ACSBG1: variants seen among roughly 807,000 people sequenced by gnomAD.
The protein encoded by ACSBG1 is long-chain-fatty-acid--CoA ligase ACSBG1.
A neutral mutation model predicts 80.2 loss-of-function variants in ACSBG1; 39 were observed. The ratio of observed to expected loss-of-function variants is 0.49; its 90% CI spans 0.38 to 0.64. The LOEUF (loss-of-function observed/expected upper bound fraction) is 0.64. ACSBG1 is among the 30% of genes least tolerant of loss of function. The pLI is 0.00. For missense variants in ACSBG1, 828 were observed against 966.4 expected, an observed-to-expected ratio of 0.86 and a Z score of 1.90; for synonymous variants, 392 against 379.5, an observed-to-expected ratio of 1.03 and a Z score of -0.38.
chr15:78,212,083 C>T (rs16969577), intron 1 of ACSBG1, among the ~76,000 whole-genome samples: 3,789 of 152,286 alleles, frequency 0.025, 107 homozygotes, highest in South Asian at 0.072. Context: ...ATCCGTTTCC[C>T]ATTTATTTCT....
chr15:78,200,680 C>T (rs986123388), intron 2 of ACSBG1, among the ~76,000 whole-genome samples: 1 of 152,208 alleles, frequency 6.6e-6, no homozygotes, highest in Non-Finnish European at 1.5e-5. Context: ...CATCTCCCAT[C>T]TCCTCTGGGA....
intron 2 of ACSBG1, among the ~76,000 whole-genome samples, chr15:78,195,125 T>G (rs1262862954): frequency 2.6e-5 from 4 of 152,146 alleles, no homozygotes; most frequent in East Asian, 1.9e-4. Flanking sequence ...TGGGGACAGA[T>G]CCAGCTAGAC....
rs2141305450 is a variant in ACSBG1, at chr15:78,167,740, T to G, written c.*3704A>C. On this transcript the variant is annotated 3_prime_UTR_variant, in exon 14 of 14. Transcript: ENST00000258873. ...GAATTTGACTACTCTAGGTACCTCA[T>G]GTAAGTGGAATCATACAGTATTTGT... The G allele has an allele frequency of 6.6e-6, 1 of 152,328 alleles. No homozygotes were observed. The highest frequency in any genetic ancestry group is 3.4e-3 in the Middle Eastern group (1 of 294). 9.4% of individuals were successfully genotyped at this position (152,328 alleles called of 1,614,324 possible).
intron 3 of ACSBG1, 57 bp from the exon 4 acceptor site, chr15:78,194,077 C>A: frequency 6.4e-7 from 1 of 1,554,604 alleles, no homozygotes; most frequent in Non-Finnish European, 8.9e-7. Context: ...GACCCTCATG[C>A]CCCTCTCAGA....
chr15:78,217,402 G>A (rs1267752239), intron 1 of ACSBG1, among the ~76,000 whole-genome samples: 1 of 152,172 alleles, frequency 6.6e-6, no homozygotes, highest in Non-Finnish European at 1.5e-5. Flanking sequence ...GGGTTCCAGA[G>A]TTTATGCTCC....
intron 5 of ACSBG1, among the ~76,000 whole-genome samples, chr15:78,184,597 GAATA>G (rs1206786856): frequency 1.3e-5 from 2 of 152,106 alleles, no homozygotes; most frequent in Middle Eastern, 3.2e-3. Flanking sequence ...AGAAATACAA[GAATA>G]AATAAAGTAA....
chr15:78,194,212 C>T (rs2075088647), intron 3 of ACSBG1, among the ~76,000 whole-genome samples, 192 bp from the exon 4 acceptor site: 3 of 152,238 alleles, frequency 2.0e-5, no homozygotes, highest in Non-Finnish European at 4.4e-5. Flanking sequence ...CCAGGGCCTT[C>T]CCAGCGAGTC....
At chr15:78,173,878 C>A (rs1258756448) in intron 12 of ACSBG1, 39 bp from the exon 13 acceptor site, 8 of 1,598,214 alleles carry the variant, frequency 5.0e-6, no homozygotes, top group Non-Finnish European at 6.8e-6. Context: ...AAGCCTTACC[C>A]AACAAGACGT....
intron 1 of ACSBG1, among the ~76,000 whole-genome samples, chr15:78,229,830 C>T (rs996130863): frequency 1.3e-5 from 2 of 152,196 alleles, no homozygotes; most frequent in African/African-American, 4.8e-5. Context: ...GGGTTCCTGT[C>T]TGCCTCCTTC....
intron 4 of ACSBG1, 118 bp downstream of exon 4, chr15:78,193,814 G>A (rs2075082016): frequency 3.5e-6 from 5 of 1,444,634 alleles, no homozygotes; most frequent in South Asian, 2.5e-5. Flanking sequence ...GAAGGCCCCA[G>A]GGAGGAGGCA....
chr15:78,204,044 G>A (rs1230017342), intron 2 of ACSBG1, among the ~76,000 whole-genome samples: 3 of 152,162 alleles, frequency 2.0e-5, no homozygotes, highest in Admixed American at 6.5e-5. Flanking sequence ...TAGCACAGAA[G>A]GGTCTGTCAG....
In ACSBG1 at chr15:78,173,963, G is replaced by A. The variant is rs28625960; in HGVS notation, c.1843-124C>T. 3,723 of 1,212,178 alleles carry A rather than the reference G, an allele frequency of 3.1e-3. 77 individuals are homozygous for A. The African/African-American group carries it at 0.049, about 16-fold the overall frequency. 75.1% of individuals were successfully genotyped at this position (1,212,178 alleles called of 1,614,324 possible). A position where few individuals can be genotyped will look rare whatever the true frequency, so the allele number is the denominator to read the frequency against. The stretch of plus-strand genomic sequence containing the variant: ...CATGTGAGCTCTGTTTCAAAGAGAC[G>A]GTTCTAGAATGAGTAGCTGCTACTG... On this transcript the variant is annotated intron_variant, in intron 12 of 13. Coordinates refer to ENST00000258873, the MANE Select transcript of ACSBG1 (RefSeq NM_015162.5).
intron 5 of ACSBG1, among the ~76,000 whole-genome samples, chr15:78,185,617 G>C (rs569538511): frequency 6.6e-6 from 1 of 152,122 alleles, no homozygotes; most frequent in African/African-American, 2.4e-5. Context: ...AATATAAATT[G>C]GTGGATTAAA....
In ACSBG1 at chr15:78,169,120, T is replaced by C; in HGVS notation, c.*2324A>G. ...TGCTTGTTTCTTGACAGTACATTTT[T>C]AGATCTGGCCTTTTCTTAACAAAAT... On this transcript the variant is annotated 3_prime_UTR_variant, in exon 14 of 14. Transcript: ENST00000258873. 1.7e-6 allele frequency: 1 copy of C among 584,952 alleles called. No homozygotes were observed. Among genetic ancestry groups the C allele is most frequent in the South Asian group, 2.9e-5 (1 of 33,950 alleles). The allele number at this position is 584,952 out of a possible 1,614,324, so 36.2% of individuals were successfully genotyped here.
chr15:78,210,171 T>C (rs548864419), intron 1 of ACSBG1, among the ~76,000 whole-genome samples: 5 of 152,308 alleles, frequency 3.3e-5, no homozygotes, highest in Admixed American at 6.5e-5. Context: ...CAGACACTGA[T>C]CTTGTCCAGC....
intron 2 of ACSBG1, among the ~76,000 whole-genome samples, chr15:78,196,179 T>C (rs1262104552): frequency 1.3e-5 from 2 of 152,216 alleles, no homozygotes; most frequent in African/African-American, 4.8e-5. Context: ...CCACTGGCCA[T>C]GAGGGAGCCC....
intron 1 of ACSBG1, chr15:78,209,108 C>T (rs1159288255): frequency 4.4e-6 from 2 of 455,324 alleles, no homozygotes; most frequent in Non-Finnish European, 8.8e-6. Context: ...GGGCTAGCCC[C>T]ATCCCTGCCC....
chr15:78,221,757 T>G (rs796571134), intron 1 of ACSBG1, among the ~76,000 whole-genome samples: 19 of 152,294 alleles, frequency 1.2e-4, no homozygotes, highest in African/African-American at 4.6e-4. Flanking sequence ...CAGTACATCG[T>G]GTCCCTGGTT....
chr15:78,190,083 T>C (rs977099551), intron 5 of ACSBG1, among the ~76,000 whole-genome samples: 1 of 151,840 alleles, frequency 6.6e-6, no homozygotes, highest in Non-Finnish European at 1.5e-5. Flanking sequence ...ATATGAAACA[T>C]ATTATTTCCT....
Sources: allele counts gnomAD v4.1 joint callset (sites outside exome capture counted in the v4.1 genomes callset), GRCh38; gene constraint gnomAD v4.1.1; transcripts MANE v1.5; gene names NCBI Gene and HGNC (gene_info 2026-07-23, HGNC 2026-07-21).